TNFAIP8: variants seen among roughly 807,000 people sequenced by gnomAD.
TNFAIP8 encodes the protein TNF alpha induced protein 8.
In TNFAIP8, 7 loss-of-function variants were observed where a neutral mutation model predicts 13.3. That is an observed-to-expected ratio of 0.52 (90% confidence interval 0.30 to 0.99). The LOEUF (loss-of-function observed/expected upper bound fraction) is 0.99, where lower values mean the gene tolerates loss of function less well. Ranked by LOEUF, TNFAIP8 falls within the 50% of genes least tolerant of loss-of-function variation. The pLI is 0.07. For synonymous variants in TNFAIP8, 94 were observed against 87.6 expected, an observed-to-expected ratio of 1.07 and a Z score of -0.41; for missense variants, 258 against 236.9, an observed-to-expected ratio of 1.09 and a Z score of -0.58.
chr5:119,376,564 C>CA (rs1752290358), intron 1 of TNFAIP8, among the ~76,000 whole-genome samples: 1 of 147,372 alleles, frequency 6.8e-6, no homozygotes, highest in Non-Finnish European at 1.5e-5. Context: ...GTCTTCCCAC[C>CA]CCCCCCGTCT....
chr5:119,295,070 A>C (rs370924989), intron 1 of TNFAIP8, among the ~76,000 whole-genome samples: 4 of 151,748 alleles, frequency 2.6e-5, no homozygotes, highest in African/African-American at 9.7e-5. Flanking sequence ...TCAATTTTGA[A>C]TTTTGTTGCC....
At chr5:119,347,973 A>C (rs1750970576) in intron 1 of TNFAIP8, among the ~76,000 whole-genome samples, 1 of 152,260 alleles carries the variant, frequency 6.6e-6, no homozygotes, top group Non-Finnish European at 1.5e-5. Flanking sequence ...TCTGTGGTCC[A>C]GATTCCACAA....
chr5:119,369,860 A>G (rs1000061478), intron 1 of TNFAIP8, among the ~76,000 whole-genome samples: 2 of 152,216 alleles, frequency 1.3e-5, no homozygotes, highest in African/African-American at 4.8e-5. Flanking sequence ...TCTCACGCCT[A>G]AAGTCAGAAC....
intron 1 of TNFAIP8, among the ~76,000 whole-genome samples, chr5:119,379,085 A>G (rs1001047195): frequency 8.5e-5 from 13 of 152,302 alleles, no homozygotes; most frequent in African/African-American, 3.1e-4. Flanking sequence ...AAAACAAAAG[A>G]TAGTTTGTAT....
intron 1 of TNFAIP8, among the ~76,000 whole-genome samples, chr5:119,281,248 T>C (rs528102603): frequency 1.7e-5 from 2 of 117,498 alleles, no homozygotes; most frequent in African/African-American, 5.7e-5. Context: ...TTAGTATTTA[T>C]AGGCCTTTCC....
At chr5:119,287,166 G>A (rs1000857893) in intron 1 of TNFAIP8, among the ~76,000 whole-genome samples, 4 of 151,592 alleles carry the variant, frequency 2.6e-5, no homozygotes, top group African/African-American at 9.7e-5. Context: ...TTAAGGTTTT[G>A]TGTAGTTCTT....
chr5:119,272,498 A>G (rs760482901), intron 1 of TNFAIP8, among the ~76,000 whole-genome samples: 1 of 152,246 alleles, frequency 6.6e-6, no homozygotes, highest in Non-Finnish European at 1.5e-5. Flanking sequence ...ATGATATTCA[A>G]AATATTTGTC....
At chr5:119,300,650 T>C (rs1749359662) in intron 1 of TNFAIP8, among the ~76,000 whole-genome samples, 2 of 152,166 alleles carry the variant, frequency 1.3e-5, no homozygotes, top group African/African-American at 4.8e-5. Context: ...TTTGTTCCCG[T>C]TTTGCAATGA....
intron 1 of TNFAIP8, among the ~76,000 whole-genome samples, chr5:119,308,280 G>A (rs79572079): frequency 6.6e-6 from 1 of 151,968 alleles, no homozygotes; most frequent in Admixed American, 6.6e-5. Flanking sequence ...AGGGGAATCT[G>A]TATCATTTCC....
At chr5:119,323,664 G>A (rs72786136) in intron 1 of TNFAIP8, among the ~76,000 whole-genome samples, 8,553 of 152,270 alleles carry the variant, frequency 0.056, 268 homozygotes, top group Middle Eastern at 0.071. Flanking sequence ...AAAGAAGCAT[G>A]TGGGCTTCTG....
chr5:119,295,246 G>T (rs61366292), intron 1 of TNFAIP8, among the ~76,000 whole-genome samples: 1 of 117,154 alleles, frequency 8.5e-6, no homozygotes, highest in Non-Finnish European at 1.7e-5. Context: ...TAGGTCTAAC[G>T]TTTAGTCTAA....
chr5:119,308,329 G>T (rs1229703181), intron 1 of TNFAIP8, among the ~76,000 whole-genome samples: 2 of 147,612 alleles, frequency 1.4e-5, no homozygotes, highest in Non-Finnish European at 1.5e-5. Flanking sequence ...CCTCACATCT[G>T]TTTCTCTCTT....
intron 1 of TNFAIP8, among the ~76,000 whole-genome samples, chr5:119,308,198 G>A (rs1749622473): frequency 6.6e-6 from 1 of 152,088 alleles, no homozygotes; most frequent in Non-Finnish European, 1.5e-5. Context: ...TGAACTGATA[G>A]CGTTCTTGCA....
chr5:119,355,051 G>A, upstream of TNFAIP8: 1 of 416,066 alleles, frequency 2.4e-6, no homozygotes, highest in Non-Finnish European at 4.3e-6. Context: ...CCGCTTTGCA[G>A]AAGGGAAAAC....
chr5:119,297,570 A>T lies in TNFAIP8; in HGVS notation c.1+28663A>T, dbSNP rs1374707651. On this transcript the variant is annotated intron_variant, in intron 1 of 1. Coordinates refer to the TNFAIP8 transcript ENST00000274456. Reference sequence around the variant, plus strand: ...ATAGGTGTGGTGTGGTGCTGAAAAAAATGTATATTCTGTTGATTCAGGGTG... The same window carrying T: ...ATAGGTGTGGTGTGGTGCTGAAAAATATGTATATTCTGTTGATTCAGGGTG... 5.2e-4 allele frequency among the ~76,000 whole-genome samples: 79 copies of T among 152,274 alleles called. 1 individual carries two copies. The highest frequency in any genetic ancestry group is 2.1e-4 in the South Asian group (1 of 4,822).
chr5:119,334,020 C>T lies in TNFAIP8; in HGVS notation c.2-58796C>T, dbSNP rs919809636. On this transcript the variant is annotated intron_variant, in intron 1 of 1. Transcript: ENST00000274456. ...TATTAACTGTAGGACACCTCTGGTT[C>T]CCAGTGGTCTGGTAGCAGTGGTAAC... 5.9e-5 allele frequency among the ~76,000 whole-genome samples: 9 copies of T among 152,028 alleles called. No homozygotes were observed. The South Asian group carries it at 1.7e-3, about 28-fold the overall frequency.
chr5:119,307,070 G>A (rs1394790841), intron 1 of TNFAIP8, among the ~76,000 whole-genome samples: 1 of 152,122 alleles, frequency 6.6e-6, no homozygotes, highest in African/African-American at 2.4e-5. Context: ...TATAGTTGAT[G>A]ACATACAGAA....
chr5:119,385,804 A>T (rs2112850781), intron 1 of TNFAIP8, among the ~76,000 whole-genome samples: 1 of 152,320 alleles, frequency 6.6e-6, no homozygotes, highest in African/African-American at 2.4e-5. Flanking sequence ...TGTACTAAAG[A>T]GCATCAGAAT....
chr5:119,350,998 C>CTGTGTGTGTGTG (rs70982476), intron 1 of TNFAIP8, among the ~76,000 whole-genome samples: 90 of 137,956 alleles, frequency 6.5e-4, no homozygotes, highest in African/African-American at 2.1e-3. Flanking sequence ...GGGTCTCACT[C>CTGTGTGTGTGTG]TGTGTGTGTG....
Sources: gnomAD v4.1 joint callset for allele counts (sites outside exome capture counted in the v4.1 genomes callset) on GRCh38, gnomAD v4.1.1 for gene constraint, MANE v1.5 for transcripts, NCBI Gene and HGNC (gene_info 2026-07-23, HGNC 2026-07-21) for gene names.